The following HYDIN variants were observed in gnomAD, a reference collection of about 807,000 sequenced individuals.
The protein encoded by HYDIN is axonemal central pair apparatus protein HYDIN.
HYDIN carries 132 observed loss-of-function variants against 403.9 expected under a neutral mutation model. The observed-to-expected ratio is 0.33, with a 90% CI of 0.28 to 0.38. HYDIN has a LOEUF of 0.38. Among genes scored for constraint, HYDIN ranks in the 10% least tolerant of loss-of-function variants. The pLI is 1.00. For synonymous variants in HYDIN, 1,202 were observed against 1,891.7 expected (o/e 0.64, Z 9.46); for missense variants, 2,827 against 5,009.5 (o/e 0.56, Z 13.15).
chr16:71,065,832 T>C (rs1450896864), intron 15 of HYDIN, among the ~76,000 whole-genome samples: 1 of 151,952 alleles, frequency 6.6e-6, no homozygotes, highest in Non-Finnish European at 1.5e-5. Flanking sequence ...CAGGAGAGAG[T>C]TACTTGAGGC....
chr16:70,991,508 G>C, intron 24 of HYDIN, 112 bp from the exon 25 acceptor site: 1 of 1,500,818 alleles, frequency 6.7e-7, no homozygotes, highest in Non-Finnish European at 8.9e-7. Context: ...ACCCCCAAAC[G>C]TAAGGGGGAT....
At position 70,955,506 on chromosome 16, in the gene HYDIN, G is replaced by A; in HGVS notation, c.6185C>T (p.Ala2062Val). The A allele has an allele frequency of 6.3e-7, 1 of 1,578,798 alleles. No individual in the cohort carries two copies. The highest frequency in any genetic ancestry group is 8.7e-7 in the Non-Finnish European group (1 of 1,153,366). The change falls in exon 40 of 86, where the codon GCA becomes GTA. Residue 2062 changes from alanine to valine, a missense_variant. Ala to Val is a moderately conservative substitution (Grantham distance 64). Coordinates refer to ENST00000393567, the MANE Select transcript of HYDIN (RefSeq NM_001270974.2). ...AATGGAGTCGATGCTCAGGCAGGCT[G>A]CGTTGTAGTACTTGGCCACGCTAAC... ...NAVSVAKYYNAACLSIDSIVL... is the reference protein window; with the variant it reads ...NAVSVAKYYNVACLSIDSIVL...
intron 1 of HYDIN, among the ~76,000 whole-genome samples, chr16:71,215,048 C>A (rs2088808007): frequency 6.6e-6 from 1 of 152,130 alleles, no homozygotes; most frequent in Admixed American, 6.6e-5. Context: ...CCTGGTCATG[C>A]CTGAAAGCAA....
intron 23 of HYDIN, among the ~76,000 whole-genome samples, chr16:71,008,562 G>A (rs1368995529): frequency 1.3e-5 from 2 of 151,994 alleles, no homozygotes; most frequent in Non-Finnish European, 2.9e-5. Flanking sequence ...TTCCTACTTG[G>A]ACATATTCTT....
intron 41 of HYDIN, among the ~76,000 whole-genome samples, chr16:70,951,004 C>G (rs1388566614): frequency 1.3e-5 from 2 of 152,084 alleles, no homozygotes; most frequent in African/African-American, 2.4e-5. Context: ...AGAGGCAGAG[C>G]CAGGAGGATC....
intron 58 of HYDIN, among the ~76,000 whole-genome samples, chr16:70,885,455 C>A (rs944356782): frequency 4.6e-5 from 7 of 151,306 alleles, no homozygotes; most frequent in African/African-American, 1.7e-4. Flanking sequence ...TAGAAAATGG[C>A]ATGATGTTGT....
intron 5 of HYDIN, among the ~76,000 whole-genome samples, chr16:71,171,601 T>C (rs1461570211): frequency 6.6e-6 from 1 of 152,200 alleles, no homozygotes; most frequent in Non-Finnish European, 1.5e-5. Context: ...TTAGCCTTAT[T>C]ATCAAATTAC....
chr16:70,805,542 G>T lies in HYDIN; in HGVS notation c.*2038C>A, dbSNP rs1027947654. Among the ~76,000 whole-genome samples, 2 of 152,204 alleles carry T rather than the reference G, an allele frequency of 1.3e-5. No homozygotes were observed. The highest frequency in any genetic ancestry group is 2.9e-5 in the Non-Finnish European group (2 of 68,032). On this transcript the variant is annotated 3_prime_UTR_variant, in exon 86 of 86. Transcript: ENST00000393567. ...ATCTCCTAGATCGGACTTCCTGAGG[G>T]TGGGGCTCAGCAATCTGTTTCAGTA...
chr16:70,842,994 A>G (rs563414120), intron 75 of HYDIN, among the ~76,000 whole-genome samples: 1 of 151,942 alleles, frequency 6.6e-6, no homozygotes, highest in East Asian at 1.9e-4. Context: ...TTGAGTTGAT[A>G]ACAACTTAAT....
chr16:70,992,863 C>G (rs2079403869), intron 23 of HYDIN, among the ~76,000 whole-genome samples: 2 of 152,186 alleles, frequency 1.3e-5, no homozygotes, highest in African/African-American at 4.8e-5. Flanking sequence ...CCAGGTTCCA[C>G]TGATTAAAAA....
intron 3 of HYDIN, 91 bp downstream of exon 3, chr16:71,184,774 G>T: frequency 9.0e-7 from 1 of 1,113,892 alleles, no homozygotes; most frequent in Non-Finnish European, 1.3e-6. Flanking sequence ...AAAGGATTAG[G>T]TAGCCAAGAA....
chr16:71,184,660 A>C (rs2087058520), intron 3 of HYDIN, among the ~76,000 whole-genome samples: 1 of 152,208 alleles, frequency 6.6e-6, no homozygotes, highest in Non-Finnish European at 1.5e-5. Flanking sequence ...ATAACTAGTC[A>C]AAAGTTATTT....
intron 23 of HYDIN, among the ~76,000 whole-genome samples, chr16:71,009,468 C>G (rs1183703321): frequency 2.0e-5 from 3 of 150,778 alleles, no homozygotes; most frequent in African/African-American, 4.9e-5. Context: ...AATAGAGGAT[C>G]CATTTTTAAA....
At chr16:70,885,602 T>C (rs1350121872) in intron 58 of HYDIN, among the ~76,000 whole-genome samples, 1 of 151,738 alleles carries the variant, frequency 6.6e-6, no homozygotes, top group East Asian at 1.9e-4. Context: ...CCTCAGTTTC[T>C]TGTGATGTAA....
At chr16:70,928,873 A>G (rs1288014561) in intron 45 of HYDIN, among the ~76,000 whole-genome samples, 1 of 91,864 alleles carries the variant, frequency 1.1e-5, no homozygotes. Context: ...AGAGAGGAAG[A>G]TTTTTGACAG....
intron 60 of HYDIN, among the ~76,000 whole-genome samples, chr16:70,882,446 C>A (rs534583437): frequency 3.3e-5 from 5 of 152,268 alleles, no homozygotes; most frequent in Non-Finnish European, 7.3e-5. Flanking sequence ...CTCGTCCATG[C>A]GTACTTATCA....
chr16:70,977,018 G>A (rs1448028016), intron 30 of HYDIN, among the ~76,000 whole-genome samples: 4 of 152,192 alleles, frequency 2.6e-5, no homozygotes, highest in Non-Finnish European at 4.4e-5. Flanking sequence ...CCTGAGCCAT[G>A]AGTGGTCCAC....
At position 71,176,651 on chromosome 16, in the gene HYDIN, A is replaced by G. The variant is rs182912058; in HGVS notation, c.382-910T>C. 4.7e-3 allele frequency among the ~76,000 whole-genome samples: 717 copies of G among 152,338 alleles called. 3 individuals are homozygous for G. The highest frequency in any genetic ancestry group is 7.9e-3 in the Non-Finnish European group (539 of 68,032). ...TAAACACCACAAAGCAAGAGCAAAG[A>G]GCAGCAGGAGATCCCCCAGAGCAGT... On this transcript the variant is annotated intron_variant, in intron 4 of 85. Coordinates refer to ENST00000393567, the MANE Select transcript of HYDIN (RefSeq NM_001270974.2).
chr16:71,009,102 CA>C (rs2079989455), intron 23 of HYDIN, among the ~76,000 whole-genome samples: 1 of 148,468 alleles, frequency 6.7e-6, no homozygotes, highest in African/African-American at 2.5e-5. Context: ...ACACAGGATT[CA>C]ACCAGTGCCA....
Sources: gnomAD v4.1 joint callset for allele counts (sites outside exome capture counted in the v4.1 genomes callset) on GRCh38, gnomAD v4.1.1 for gene constraint, MANE v1.5 for transcripts, NCBI Gene and HGNC (gene_info 2026-07-23, HGNC 2026-07-21) for gene names.